Variants in CD276 observed in about 807,000 individuals in gnomAD.
The protein encoded by CD276 is CD276 molecule.
In CD276, 34 loss-of-function variants were observed where a neutral mutation model predicts 50.0. That is an observed-to-expected ratio of 0.68 (90% CI 0.52 to 0.91). The LOEUF (loss-of-function observed/expected upper bound fraction) is 0.91. Ranked by LOEUF, CD276 falls within the 40% of genes least tolerant of loss-of-function variation. The pLI, the probability that CD276 is intolerant of heterozygous loss-of-function variation, is 0.00. For missense variants in CD276, 634 were observed against 717.5 expected (o/e 0.88, Z 1.33); for synonymous variants, 275 against 313.0 (o/e 0.88, Z 1.28).
At chr15:73,698,312 G>A (rs796749378) in intron 1 of CD276, among the ~76,000 whole-genome samples, 11 of 152,258 alleles carry the variant, frequency 7.2e-5, no homozygotes, top group Admixed American at 2.6e-4. Flanking sequence ...CTAAAACTCT[G>A]TCCTAGAAGC....
At position 73,713,618 on chromosome 15, in the gene CD276, C is replaced by T; in HGVS notation, c.*662C>T. The T allele has an allele frequency of 8.6e-6, 3 of 346,890 alleles. No individual in the cohort carries two copies. Among genetic ancestry groups the T allele is most frequent in the Non-Finnish European group, 1.6e-5 (3 of 188,240 alleles). 21.5% of individuals were successfully genotyped at this position (346,890 alleles called of 1,614,324 possible). A position where few individuals can be genotyped will look rare whatever the true frequency, so the allele number is the denominator to read the frequency against. On this transcript the variant is annotated 3_prime_UTR_variant, in exon 10 of 10. Coordinates refer to ENST00000318443, the MANE Select transcript of CD276 (RefSeq NM_001024736.2). Reference sequence around the variant, plus strand: ...CAGGGCACTCTGCGCCCACCACATGCACAGCTGTGCATGGAGACCTGCAGG... The same window carrying T: ...CAGGGCACTCTGCGCCCACCACATGTACAGCTGTGCATGGAGACCTGCAGG...
At chr15:73,699,296 C>T (rs1001948618) in intron 1 of CD276, among the ~76,000 whole-genome samples, 17 of 152,190 alleles carry the variant, frequency 1.1e-4, no homozygotes, top group Non-Finnish European at 1.5e-5. Context: ...CCAACCTTGC[C>T]TTCACTTGCC....
rs556433067 is a variant in CD276 at position 73,714,461 on chromosome 15, G to A, written c.*1505G>A. On this transcript the variant is annotated 3_prime_UTR_variant, in exon 10 of 10. Transcript: ENST00000318443. ...TTCTAATTTAAATGTGGGACTCGGA[G>A]GGATTTTGTAAACTGGGGGTATATT... is the stretch of plus-strand genomic sequence containing the variant. 4 of 152,620 alleles carry A rather than the reference G, an allele frequency of 2.6e-5. No individual in the cohort carries two copies. The highest frequency in any genetic ancestry group is 9.6e-5 in the African/African-American group (4 of 41,582). 9.5% of individuals were successfully genotyped at this position (152,620 alleles called of 1,614,324 possible).
rs921368722 is a variant in CD276, at chr15:73,699,709, T to A, written c.70T>A (p.Cys24Ser). 4 of 1,605,518 alleles carry A rather than the reference T, an allele frequency of 2.5e-6. No individual in the cohort carries two copies. In the African/African-American group the frequency reaches 5.4e-5, roughly 21 times the overall value. The change falls in exon 2 of 10, where the codon TGC (cysteine) becomes AGC (serine). Residue 24 changes from cysteine to serine, a missense_variant. Physicochemically the swap from Cys to Ser is moderately radical, Grantham distance 112 (BLOSUM62 -1). Transcript: ENST00000318443. ...TGCAGCCCTGGGAGCACTGTGGTTC[T>A]GCCTCACAGGTGAGGGTAGCAGCAT... is the stretch of plus-strand genomic sequence containing the variant. The part of the protein sequence containing the change: ...VGAALGALWF[C>S]LTGALEVQVP...
intron 1 of CD276, among the ~76,000 whole-genome samples, chr15:73,689,026 T>C (rs972014274): frequency 7.9e-5 from 12 of 152,204 alleles, no homozygotes; most frequent in African/African-American, 2.9e-4. Context: ...GTGTGTGCCC[T>C]GGGCCTGCCA....
chr15:73,708,342 A>G lies in CD276; in HGVS notation c.1373A>G (p.Gln458Arg), dbSNP rs1900729066. Residue 458 changes from glutamine (Q) to arginine (R), a missense_variant, in exon 7 of 10, where the codon CAG (glutamine) becomes CGG (arginine). By Grantham distance (43) the Gln-to-Arg change is conservative. Coordinates refer to ENST00000318443, the MANE Select transcript of CD276 (RefSeq NM_001024736.2). ...CTGTTGCTACTTTTCCTCTCAGGGCAGCCTATGACATTCCCCCCAGAGGCC... is the reference window on the plus strand; with the variant it reads ...CTGTTGCTACTTTTCCTCTCAGGGCGGCCTATGACATTCCCCCCAGAGGCC... Reference protein sequence around the residue: ...DAHGSVTITGQPMTFPPEALW... With the variant: ...DAHGSVTITGRPMTFPPEALW... The G allele has an allele frequency of 6.2e-7, 1 of 1,613,830 alleles. No individual in the cohort carries two copies. The highest frequency in any genetic ancestry group is 1.1e-5 in the South Asian group (1 of 91,060).
At chr15:73,712,140 G>A (rs1339593345) in intron 9 of CD276, 1 of 121,362 alleles carries the variant, frequency 8.2e-6, no homozygotes, top group Non-Finnish European at 1.6e-5. Flanking sequence ...GGGCAACAGA[G>A]CAAGATTCCA....
chr15:73,709,551 CT>C (rs1900805820), intron 7 of CD276, 96 bp from the exon 8 acceptor site: 3 of 1,256,534 alleles, frequency 2.4e-6, no homozygotes, highest in African/African-American at 1.5e-5. Flanking sequence ...CACTCAGGCC[CT>C]GTTCACCAGC....
intron 6 of CD276, among the ~76,000 whole-genome samples, chr15:73,707,194 T>C (rs1028746952): frequency 1.3e-5 from 2 of 152,238 alleles, no homozygotes; most frequent in African/African-American, 4.8e-5. Context: ...CGCACTGCAC[T>C]GACAGGGCCT....
Position 73,703,710 on chromosome 15 carries a change from C to G in CD276, c.785C>G (p.Thr262Ser). The change falls in exon 5 of 10, where the codon ACC becomes AGC. Residue 262 changes from threonine (T) to serine (S), a missense_variant. Thr to Ser is a moderately conservative substitution (Grantham distance 58). Coordinates refer to ENST00000318443, the MANE Select transcript of CD276 (RefSeq NM_001024736.2). The stretch of plus-strand genomic sequence containing the variant: ...GACCCGGTGGTGGCCCTAGTGGGCA[C>G]CGATGCCACCCTGCGCTGCTCCTTC... ...PEDPVVALVG[T>S]DATLRCSFSP... 6.2e-7 allele frequency: 1 copy of G among 1,613,132 alleles called. No homozygotes were observed. The highest frequency in any genetic ancestry group is 8.5e-7 in the Non-Finnish European group (1 of 1,179,938).
chr15:73,711,207 G>A, intron 9 of CD276, 37 bp downstream of exon 9: 1 of 1,606,076 alleles, frequency 6.2e-7, no homozygotes. Flanking sequence ...GTCTGTGTAT[G>A]CACACATCTG....
Position 73,708,422 on chromosome 15 carries a change from G to C in CD276, c.1453G>C (p.Ala485Pro). 2 of 1,614,092 alleles carry C rather than the reference G, an allele frequency of 1.2e-6. No homozygotes were observed. The highest frequency in any genetic ancestry group is 8.5e-7 in the Non-Finnish European group (1 of 1,179,998). Residue 485 changes from alanine to proline, a missense_variant, in exon 7 of 10, where the codon GCT (alanine) becomes CCT (proline). Ala to Pro is a conservative substitution (Grantham distance 27). Coordinates refer to ENST00000318443, the MANE Select transcript of CD276 (RefSeq NM_001024736.2). ...VCLIALLVALAFVCWRKIKQS... is the reference protein window; with the variant it reads ...VCLIALLVALPFVCWRKIKQS... ...TCTCATTGCACTGCTGGTGGCCCTGGCTTTCGTGTGCTGGAGAAAGATCAA... is the reference window on the plus strand; with the variant it reads ...TCTCATTGCACTGCTGGTGGCCCTGCCTTTCGTGTGCTGGAGAAAGATCAA...
intron 4 of CD276, among the ~76,000 whole-genome samples, 188 bp downstream of exon 4, chr15:73,703,274 T>C (rs1231814107): frequency 1.3e-5 from 2 of 152,140 alleles, no homozygotes; most frequent in Non-Finnish European, 2.9e-5. Context: ...ATCACAGGCC[T>C]TCTTAAGGCT....
chr15:73,685,049 G>A (rs1486821684), intron 1 of CD276: 1 of 152,836 alleles, frequency 6.5e-6, no homozygotes, highest in Non-Finnish European at 1.5e-5. Context: ...AGGCAGCCGT[G>A]GGCAGCATGA....
intron 1 of CD276, among the ~76,000 whole-genome samples, chr15:73,698,820 C>T (rs1306197200): frequency 6.6e-6 from 1 of 152,182 alleles, no homozygotes; most frequent in African/African-American, 2.4e-5. Flanking sequence ...CCTCAGCCTC[C>T]CAAAGTGCTG....
chr15:73,691,883 G>A (rs939044540), intron 1 of CD276, among the ~76,000 whole-genome samples: 3 of 152,254 alleles, frequency 2.0e-5, no homozygotes, highest in East Asian at 1.9e-4. Context: ...TTGTCTTCTG[G>A]CCCCTGGGAT....
chr15:73,688,396 G>A (rs1899851349), intron 1 of CD276, among the ~76,000 whole-genome samples: 1 of 152,170 alleles, frequency 6.6e-6, no homozygotes, highest in South Asian at 2.1e-4. Context: ...GCCCTGTGGG[G>A]TAGGGATTGT....
intron 1 of CD276, among the ~76,000 whole-genome samples, chr15:73,688,047 G>A: frequency 6.6e-6 from 1 of 152,118 alleles, no homozygotes; most frequent in East Asian, 1.9e-4. Context: ...AGAGGAAGGG[G>A]CCCAGGACCA....
chr15:73,698,173 C>T (rs565629893), intron 1 of CD276, among the ~76,000 whole-genome samples: 1 of 152,294 alleles, frequency 6.6e-6, no homozygotes, highest in East Asian at 1.9e-4. Flanking sequence ...AGTCCTGACT[C>T]CAGCCTTGAG....
Sources: gnomAD v4.1 joint callset for allele counts (sites outside exome capture counted in the v4.1 genomes callset) on GRCh38, gnomAD v4.1.1 for gene constraint, MANE v1.5 for transcripts, NCBI Gene and HGNC (gene_info 2026-07-23, HGNC 2026-07-21) for gene names.